ADAMTS3: variants seen among roughly 807,000 people sequenced by gnomAD.
The protein encoded by ADAMTS3 is A disintegrin and metalloproteinase with thrombospondin motifs 3.
ADAMTS3 carries 73 observed loss-of-function variants against 129.0 expected under a neutral mutation model. That is an observed-to-expected ratio of 0.57 (90% confidence interval 0.47 to 0.69). The LOEUF is 0.69. Ranked by LOEUF, ADAMTS3 falls within the 30% of genes least tolerant of loss-of-function variation. The pLI, the probability that ADAMTS3 is intolerant of heterozygous loss-of-function variation, is 0.00. For synonymous variants in ADAMTS3, 477 were observed against 510.8 expected (o/e 0.93, Z 0.89); for missense variants, 1,457 against 1,514.5 (o/e 0.96, Z 0.63).
At chr4:72,541,507 A>G (rs1430261741) in intron 3 of ADAMTS3, among the ~76,000 whole-genome samples, 1 of 152,186 alleles carries the variant, frequency 6.6e-6, no homozygotes, top group Non-Finnish European at 1.5e-5. Context: ...AAATGTGAGG[A>G]CATGAGATTT....
intron 3 of ADAMTS3, among the ~76,000 whole-genome samples, chr4:72,495,502 G>A (rs1430399755): frequency 1.3e-5 from 2 of 152,064 alleles, no homozygotes; most frequent in Non-Finnish European, 2.9e-5. Context: ...TATCTGGAAG[G>A]AATGCAGGAG....
chr4:72,399,497 C>T (rs910845054), intron 4 of ADAMTS3, among the ~76,000 whole-genome samples: 2 of 152,122 alleles, frequency 1.3e-5, no homozygotes, highest in South Asian at 2.1e-4. Flanking sequence ...AGTCACTCAT[C>T]ATTCATTTGT....
chr4:72,413,473 T>C (rs930019400), intron 4 of ADAMTS3, among the ~76,000 whole-genome samples: 2 of 152,024 alleles, frequency 1.3e-5, no homozygotes, highest in Non-Finnish European at 2.9e-5. Flanking sequence ...AATATGAAAA[T>C]TGAGTATTCA....
intron 16 of ADAMTS3, among the ~76,000 whole-genome samples, chr4:72,304,694 A>C (rs1015240513): frequency 2.0e-5 from 3 of 152,108 alleles, no homozygotes; most frequent in Non-Finnish European, 2.9e-5. Flanking sequence ...CAATGAAATA[A>C]AATGCTGGCT....
chr4:72,449,192 G>C (rs759390497), intron 3 of ADAMTS3, among the ~76,000 whole-genome samples: 4 of 151,600 alleles, frequency 2.6e-5, no homozygotes, highest in Non-Finnish European at 5.9e-5. Context: ...TTCCCACCGA[G>C]TCCCATGGTT....
intron 5 of ADAMTS3, among the ~76,000 whole-genome samples, chr4:72,332,223 C>CA (rs1378477132): frequency 6.6e-6 from 1 of 151,008 alleles, no homozygotes; most frequent in Non-Finnish European, 1.5e-5. Context: ...TCAATGTTTT[C>CA]AAAAAAGTTA....
chr4:72,429,682 A>G (rs1053020292), intron 3 of ADAMTS3, among the ~76,000 whole-genome samples: 13 of 152,066 alleles, frequency 8.5e-5, no homozygotes, highest in Non-Finnish European at 1.5e-4. Flanking sequence ...TCCTAAAAAG[A>G]TAAGCTAGAT....
chr4:72,293,591 T>C (rs1718732265), intron 19 of ADAMTS3, among the ~76,000 whole-genome samples: 1 of 152,070 alleles, frequency 6.6e-6, no homozygotes, highest in Non-Finnish European at 1.5e-5. Flanking sequence ...AAACACTAAA[T>C]ATACAATTAA....
chr4:72,307,797 G>A (rs1719126649), intron 15 of ADAMTS3, among the ~76,000 whole-genome samples: 1 of 151,940 alleles, frequency 6.6e-6, no homozygotes, highest in East Asian at 1.9e-4. Context: ...ATGTTTTCCT[G>A]TTGGAAAAGG....
rs575543079 is a variant in ADAMTS3 at position 72,400,255 on chromosome 4, T to C, written c.661+14560A>G. On this transcript the variant is annotated intron_variant, in intron 4 of 21. Transcript: ENST00000286657. ...TGTATATATGCACACATGGTGTGTA[T>C]ATACGTGTGTATATATGCACACATG... Among the ~76,000 whole-genome samples, 7 of 146,190 alleles carry C rather than the reference T, an allele frequency of 4.8e-5. No individual in the cohort carries two copies. In the East Asian group the frequency reaches 6.2e-4, roughly 13 times the overall value.
chr4:72,350,977 T>G (rs953776167), intron 4 of ADAMTS3, among the ~76,000 whole-genome samples: 1 of 151,924 alleles, frequency 6.6e-6, no homozygotes, highest in Non-Finnish European at 1.5e-5. Context: ...CTCTCCAGGC[T>G]CTCAGCTCTG....
At chr4:72,292,400 TA>T (rs1467343019) in intron 19 of ADAMTS3, among the ~76,000 whole-genome samples, 39 of 152,374 alleles carry the variant, frequency 2.6e-4, no homozygotes, top group African/African-American at 9.1e-4. Flanking sequence ...ACTGTTTGGA[TA>T]ATGCAGTTCT....
chr4:72,370,355 T>C (rs868625970), intron 4 of ADAMTS3, among the ~76,000 whole-genome samples: 1 of 152,202 alleles, frequency 6.6e-6, no homozygotes, highest in Non-Finnish European at 1.5e-5. Flanking sequence ...AATTGCAATT[T>C]GCTTATTATA....
intron 3 of ADAMTS3, among the ~76,000 whole-genome samples, chr4:72,539,067 A>T (rs1578776899): frequency 1.3e-5 from 2 of 152,148 alleles, no homozygotes; most frequent in African/African-American, 4.8e-5. Context: ...ACTCTTGTTA[A>T]AAAATATATA....
chr4:72,555,661 T>A (rs1389805867), intron 2 of ADAMTS3, among the ~76,000 whole-genome samples: 2 of 151,826 alleles, frequency 1.3e-5, no homozygotes, highest in Non-Finnish European at 2.9e-5. Context: ...AAATATAATA[T>A]CTTAACTATG....
chr4:72,320,027 G>T, intron 7 of ADAMTS3, 64 bp from the exon 8 acceptor site: 1 of 1,401,032 alleles, frequency 7.1e-7, no homozygotes, highest in Non-Finnish European at 1.0e-6. Flanking sequence ...AATTACAACT[G>T]GACTTTTGCC....
chr4:72,393,612 C>T (rs561010187), intron 4 of ADAMTS3, among the ~76,000 whole-genome samples: 57 of 152,172 alleles, frequency 3.7e-4, no homozygotes, highest in Non-Finnish European at 4.9e-4. Flanking sequence ...TACCTTCAAA[C>T]GTAATATTTT....
chr4:72,354,142 ATAT>A (rs907073123), intron 4 of ADAMTS3, among the ~76,000 whole-genome samples: 2 of 152,010 alleles, frequency 1.3e-5, no homozygotes, highest in African/African-American at 4.8e-5. Flanking sequence ...TCCAAGTAAC[ATAT>A]TATTAACTAT....
chr4:72,317,951 C>A (rs879883310), intron 10 of ADAMTS3, among the ~76,000 whole-genome samples: 3 of 151,946 alleles, frequency 2.0e-5, no homozygotes, highest in Non-Finnish European at 4.4e-5. Flanking sequence ...ATTGCTTGAA[C>A]TCAGGAGGCG....
Sources: gnomAD v4.1 joint callset for allele counts (sites outside exome capture counted in the v4.1 genomes callset) on GRCh38, gnomAD v4.1.1 for gene constraint, MANE v1.5 for transcripts, NCBI Gene and HGNC (gene_info 2026-07-23, HGNC 2026-07-21) for gene names.